Variants in RPL34 observed in about 807,000 individuals in gnomAD.
The protein encoded by RPL34 is ribosomal protein L34.
RPL34 carries 2 observed loss-of-function variants against 16.3 expected under a neutral mutation model. The ratio of observed to expected loss-of-function variants is 0.12; its 90% CI spans 0.05 to 0.39. RPL34 has a LOEUF of 0.39. Among genes scored for constraint, RPL34 ranks in the 10% least tolerant of loss-of-function variants. The pLI is 0.99. For synonymous variants in RPL34, 47 were observed against 48.5 expected (o/e 0.97, Z 0.13); for missense variants, 82 against 148.8 (o/e 0.55, Z 2.33).
chr4:108,624,150 T>C (rs1725897970), intron 4 of RPL34, among the ~76,000 whole-genome samples: 1 of 152,224 alleles, frequency 6.6e-6, no homozygotes, highest in Admixed American at 6.5e-5. Flanking sequence ...TCGGGCCTTA[T>C]CTCCTGAAGA....
intron 1 of RPL34, 144 bp from the exon 2 acceptor site, chr4:108,621,807 T>C: frequency 4.8e-6 from 3 of 625,574 alleles, no homozygotes; most frequent in Non-Finnish European, 8.6e-6. Flanking sequence ...ACAAGTAGTT[T>C]TAAAATGTGG....
chr4:108,621,644 A>C (rs533729662), intron 1 of RPL34: 112 of 304,946 alleles, frequency 3.7e-4, no homozygotes, highest in African/African-American at 2.1e-3. Flanking sequence ...TGTTTCTCCA[A>C]CTGGGCTCGT....
chr4:108,622,311 A>G (rs1725817865), intron 3 of RPL34, 107 bp downstream of exon 3: 1 of 912,322 alleles, frequency 1.1e-6, no homozygotes, highest in Non-Finnish European at 1.7e-6. Context: ...AAGAGGGTTC[A>G]GAATTACTAA....
At chr4:108,626,291 G>A (rs1387216261), downstream of RPL34, among the ~76,000 whole-genome samples, 2 of 151,564 alleles carry the variant, frequency 1.3e-5, no homozygotes, top group Non-Finnish European at 2.9e-5. Context: ...GCACCACCAT[G>A]CCTGGCTCAT....
Position 108,620,611 on chromosome 4 carries a change from T to G in RPL34, c.-10+11T>G, listed in dbSNP as rs1334060798. 2 of 296,148 alleles carry G rather than the reference T, an allele frequency of 6.8e-6. No individual in the cohort carries two copies. The highest frequency in any genetic ancestry group is 4.4e-5 in the African/African-American group (2 of 45,546). The allele number at this position is 296,148 out of a possible 1,614,324, so 18.3% of individuals were successfully genotyped here. A position where few individuals can be genotyped will look rare whatever the true frequency, so the allele number is the denominator to read the frequency against. Reference sequence around the variant, plus strand: ...GGACGTTGTCTGCAGGTATGGATGTTGTTCTCTTTTCCCTGTCTTTATTTC... The same window carrying G: ...GGACGTTGTCTGCAGGTATGGATGTGGTTCTCTTTTCCCTGTCTTTATTTC... On this transcript the variant is annotated intron_variant, in intron 1 of 4. Coordinates refer to ENST00000394667, the MANE Select transcript of RPL34 (RefSeq NM_001319236.2).
chr4:108,621,616 G>T, intron 1 of RPL34: 1 of 264,508 alleles, frequency 3.8e-6, no homozygotes, highest in Non-Finnish European at 7.5e-6. Flanking sequence ...CACTTTTTGT[G>T]CTCTTTGTTT....
At chr4:108,620,708 T>C (rs1725721207) in intron 1 of RPL34, 108 bp downstream of exon 1, 1 of 194,434 alleles carries the variant, frequency 5.1e-6, no homozygotes, top group African/African-American at 2.3e-5. Context: ...TGAGCTGGTG[T>C]AGGGGTAAGG....
chr4:108,628,891 C>T (rs957425017), downstream of RPL34, among the ~76,000 whole-genome samples: 12 of 152,192 alleles, frequency 7.9e-5, no homozygotes, highest in African/African-American at 2.9e-4. Context: ...GACGCGATCT[C>T]AGCTTACTGC....
intron 4 of RPL34, among the ~76,000 whole-genome samples, chr4:108,624,524 A>G (rs969940836): frequency 1.3e-5 from 2 of 152,180 alleles, no homozygotes; most frequent in Non-Finnish European, 2.9e-5. Flanking sequence ...GCACTCCTAG[A>G]TGGAGGCTCA....
downstream of RPL34, among the ~76,000 whole-genome samples, chr4:108,627,851 C>T (rs1181926316): frequency 1.3e-5 from 2 of 149,460 alleles, no homozygotes; most frequent in African/African-American, 5.0e-5. Flanking sequence ...GACAGTGAGA[C>T]TCCTCAAAAA....
chr4:108,629,471 CAA>C (rs1726112187), downstream of RPL34, among the ~76,000 whole-genome samples: 1 of 151,742 alleles, frequency 6.6e-6, no homozygotes. Flanking sequence ...ATTTAGAAGA[CAA>C]AGAGCATTGA....
Sources: gnomAD v4.1 joint callset for allele counts (sites outside exome capture counted in the v4.1 genomes callset) on GRCh38, gnomAD v4.1.1 for gene constraint, MANE v1.5 for transcripts, NCBI Gene and HGNC (gene_info 2026-07-23, HGNC 2026-07-21) for gene names.